Variants in NAALADL2 observed in about 807,000 individuals in gnomAD.
NAALADL2 encodes the protein inactive N-acetylated-alpha-linked acidic dipeptidase-like protein 2.
A neutral mutation model predicts 87.2 loss-of-function variants in NAALADL2; 76 were observed. That is an observed-to-expected ratio of 0.87 (90% CI 0.72 to 1.05). NAALADL2 has a LOEUF of 1.05. NAALADL2 is among the 50% of genes least tolerant of loss of function. The pLI, the probability that NAALADL2 is intolerant of heterozygous loss-of-function variation, is 0.00. For missense variants in NAALADL2, 1,089 were observed against 945.8 expected (o/e 1.15, Z -1.99); for synonymous variants, 354 against 331.0 (o/e 1.07, Z -0.75).
chr3:174,716,423 TATG>T (rs61198328), intron 2 of NAALADL2, among the ~76,000 whole-genome samples: 37,938 of 151,834 alleles, frequency 0.25, 5,240 homozygotes, highest in East Asian at 0.41. Context: ...GGGTTCCAAA[TATG>T]ATAATATGCA....
intron 1 of NAALADL2, among the ~76,000 whole-genome samples, chr3:174,984,018 C>T (rs1655157083): frequency 6.6e-6 from 1 of 152,142 alleles, no homozygotes; most frequent in Non-Finnish European, 1.5e-5. Flanking sequence ...AATTCTCATC[C>T]ATGTCTGCAT....
chr3:174,852,844 T>C (rs1725406888), intron 3 of NAALADL2, among the ~76,000 whole-genome samples: 1 of 152,092 alleles, frequency 6.6e-6, no homozygotes, highest in South Asian at 2.1e-4. Flanking sequence ...AGCATGGTAC[T>C]GTCATAAAAA....
At position 175,060,933 on chromosome 3, in the gene NAALADL2, C is replaced by A. The variant is rs1350120112; in HGVS notation, c.44-35857C>A. ...ATGGTGGCACATGCGGTAATCCCAG[C>A]TATTTGGGAGGCTGAGGCAGGAGAA... On this transcript the variant is annotated intron_variant, in intron 1 of 13. Coordinates refer to ENST00000454872, the MANE Select transcript of NAALADL2 (RefSeq NM_207015.3). Among the ~76,000 whole-genome samples, 4 of 152,208 alleles carry A rather than the reference C, an allele frequency of 2.6e-5. No individual in the cohort carries two copies. The East Asian group carries it at 5.8e-4, about 22-fold the overall frequency.
Position 175,447,007 on chromosome 3 carries a change from G to C in NAALADL2, c.1091-222G>C, listed in dbSNP as rs115750234. On this transcript the variant is annotated intron_variant, in intron 5 of 13. Transcript: ENST00000454872. Reference sequence around the variant, plus strand: ...GGAGGTAAGTGCATATGTGCAATCTGCCATCTTTAACTAGGATATGTCATT... The same window carrying C: ...GGAGGTAAGTGCATATGTGCAATCTCCCATCTTTAACTAGGATATGTCATT... 3.8e-3 allele frequency among the ~76,000 whole-genome samples: 581 copies of C among 152,162 alleles called. 7 individuals are homozygous for C. Among genetic ancestry groups the C allele is most frequent in the Non-Finnish European group, 6.3e-3 (430 of 68,016 alleles).
At chr3:175,386,777 T>A (rs1228665316) in intron 5 of NAALADL2, among the ~76,000 whole-genome samples, 1 of 152,144 alleles carries the variant, frequency 6.6e-6, no homozygotes, top group African/African-American at 2.4e-5. Context: ...GTCTAGCACG[T>A]CTTATGCTAC....
At chr3:174,519,622 C>A (rs6793765) in intron 1 of NAALADL2, among the ~76,000 whole-genome samples, 3,473 of 151,952 alleles carry the variant, frequency 0.023, 131 homozygotes, top group African/African-American at 0.08. Flanking sequence ...TGAGCCACTA[C>A]GCCTGGCCAG....
intron 2 of NAALADL2, among the ~76,000 whole-genome samples, chr3:174,579,364 A>G (rs1715904580): frequency 6.6e-6 from 1 of 152,042 alleles, no homozygotes; most frequent in South Asian, 2.1e-4. Context: ...ATTCACTGGA[A>G]TACCCCTCAG....
intron 3 of NAALADL2, among the ~76,000 whole-genome samples, chr3:174,772,184 T>C (rs1714652923): frequency 6.6e-6 from 1 of 152,218 alleles, no homozygotes; most frequent in South Asian, 2.1e-4. Context: ...TTCAGTCCTT[T>C]GTAATTAATA....
chr3:175,351,632 T>A (rs1483009858), intron 5 of NAALADL2, among the ~76,000 whole-genome samples: 3 of 152,134 alleles, frequency 2.0e-5, no homozygotes, highest in Non-Finnish European at 4.4e-5. Context: ...CATATTGGAC[T>A]GGCAGGAAAG....
chr3:175,367,190 G>C (rs1176937197), intron 5 of NAALADL2, among the ~76,000 whole-genome samples: 8 of 151,602 alleles, frequency 5.3e-5, no homozygotes, highest in Non-Finnish European at 8.8e-5. Flanking sequence ...CGTTATTTCT[G>C]AGGGCTCTAT....
chr3:174,950,472 T>A (rs1740177614), intron 1 of NAALADL2, among the ~76,000 whole-genome samples: 3 of 152,256 alleles, frequency 2.0e-5, no homozygotes, highest in South Asian at 2.1e-4. Context: ...CAGTAGATTT[T>A]GTGTCATAGC....
intron 9 of NAALADL2, among the ~76,000 whole-genome samples, chr3:175,486,261 TG>T (rs1197591015): frequency 6.6e-6 from 1 of 152,202 alleles, no homozygotes; most frequent in Non-Finnish European, 1.5e-5. Context: ...ACCTTTATCC[TG>T]CTCCTCAAAA....
intron 11 of NAALADL2, among the ~76,000 whole-genome samples, chr3:175,632,463 C>A (rs1727929042): frequency 6.6e-6 from 1 of 151,918 alleles, no homozygotes. Flanking sequence ...TCAACTTGAT[C>A]TTAATGTCAA....
At chr3:175,466,762 G>C (rs1472956996) in intron 7 of NAALADL2, among the ~76,000 whole-genome samples, 1 of 152,096 alleles carries the variant, frequency 6.6e-6, no homozygotes, top group Non-Finnish European at 1.5e-5. Flanking sequence ...ATGGATCTAA[G>C]CTTTGGATTC....
intron 1 of NAALADL2, among the ~76,000 whole-genome samples, chr3:175,095,955 T>TA (rs930291799): frequency 3.3e-5 from 5 of 152,244 alleles, no homozygotes; most frequent in Middle Eastern, 3.4e-3. Flanking sequence ...CTTGGCAGGA[T>TA]ACAACAAGCT....
chr3:175,462,580 C>T (rs1723309926), intron 6 of NAALADL2, among the ~76,000 whole-genome samples: 1 of 152,162 alleles, frequency 6.6e-6, no homozygotes, highest in Non-Finnish European at 1.5e-5. Flanking sequence ...TGCCCTGACA[C>T]TAACACCTGG....
At chr3:175,291,656 TA>T (rs1384826241) in intron 4 of NAALADL2, among the ~76,000 whole-genome samples, 7 of 152,106 alleles carry the variant, frequency 4.6e-5, no homozygotes, top group Non-Finnish European at 8.8e-5. Flanking sequence ...ATGTAACATA[TA>T]AGAGCTTTAC....
At chr3:175,317,995 T>C (rs1363815075) in intron 4 of NAALADL2, among the ~76,000 whole-genome samples, 3 of 152,280 alleles carry the variant, frequency 2.0e-5, no homozygotes, top group East Asian at 3.9e-4. Flanking sequence ...GCTACAAGCA[T>C]GTTTATTGCA....
At chr3:175,267,323 T>A (rs1173459949) in intron 4 of NAALADL2, among the ~76,000 whole-genome samples, 1 of 152,050 alleles carries the variant, frequency 6.6e-6, no homozygotes, top group Non-Finnish European at 1.5e-5. Flanking sequence ...AACATGTAGC[T>A]CCAATCCAGT....
Sources: allele counts gnomAD v4.1 joint callset (sites outside exome capture counted in the v4.1 genomes callset), GRCh38; gene constraint gnomAD v4.1.1; transcripts MANE v1.5; gene names NCBI Gene and HGNC (gene_info 2026-07-23, HGNC 2026-07-21).